Variants in L3MBTL3 observed in about 807,000 individuals in gnomAD.
L3MBTL3 encodes the protein lethal(3)malignant brain tumor-like protein 3.
A neutral mutation model predicts 102.3 loss-of-function variants in L3MBTL3; 27 were observed. That is an observed-to-expected ratio of 0.26 (90% CI 0.19 to 0.36). L3MBTL3 has a LOEUF of 0.36. Ranked by LOEUF, L3MBTL3 falls within the 10% of genes least tolerant of loss-of-function variation. The pLI, the probability that L3MBTL3 is intolerant of heterozygous loss-of-function variation, is 1.00. For missense variants in L3MBTL3, 798 were observed against 955.3 expected, an observed-to-expected ratio of 0.84 and a Z score of 2.17; for synonymous variants, 340 against 320.9, an observed-to-expected ratio of 1.06 and a Z score of -0.64.
intron 22 of L3MBTL3, among the ~76,000 whole-genome samples, chr6:130,136,101 C>A (rs573585508): frequency 2.5e-4 from 37 of 150,980 alleles, no homozygotes; most frequent in African/African-American, 9.1e-4. Flanking sequence ...GCCACCACCA[C>A]CCTGGTCTGC....
At chr6:130,115,838 A>T (rs1785634627) in intron 19 of L3MBTL3, among the ~76,000 whole-genome samples, 1 of 152,262 alleles carries the variant, frequency 6.6e-6, no homozygotes, top group Non-Finnish European at 1.5e-5. Flanking sequence ...GCAACTAAAG[A>T]AATATTGCAG....
chr6:130,133,961 G>A lies in L3MBTL3; in HGVS notation c.2199+56G>A, dbSNP rs984333317. On this transcript the variant is annotated intron_variant, in intron 22 of 22. Coordinates refer to ENST00000361794, the MANE Select transcript of L3MBTL3 (RefSeq NM_032438.4). The surrounding 1 kb of genome is among the most constrained non-coding windows in gnomAD (Gnocchi z 4.9). ...CTTAATGGGATCAAAGCACTGAAAT[G>A]CAGTGGAAGGTGAAATGTGTGGAAT... 1.6e-5 allele frequency: 21 copies of A among 1,350,234 alleles called. No individual in the cohort carries two copies. The highest frequency in any genetic ancestry group is 2.2e-5 in the Non-Finnish European group (21 of 943,340). The allele number at this position is 1,350,234 out of a possible 1,614,324, so 83.6% of individuals were successfully genotyped here. A position where few individuals can be genotyped will look rare whatever the true frequency, so the allele number is the denominator to read the frequency against.
chr6:130,099,235 C>G (rs1260779323), intron 18 of L3MBTL3, among the ~76,000 whole-genome samples: 1 of 152,076 alleles, frequency 6.6e-6, no homozygotes, highest in African/African-American at 2.4e-5. Flanking sequence ...CAGTATCATC[C>G]TATGGGACTC....
At chr6:130,137,750 A>G (rs1056689142) in intron 22 of L3MBTL3, 4 of 152,202 alleles carry the variant, frequency 2.6e-5, no homozygotes, top group African/African-American at 9.7e-5. Context: ...CTCCTTGGGA[A>G]TGTCAGTTGA....
At chr6:130,061,943 T>G (rs1781924786) in intron 10 of L3MBTL3, among the ~76,000 whole-genome samples, 1 of 152,150 alleles carries the variant, frequency 6.6e-6, no homozygotes, top group Non-Finnish European at 1.5e-5. Flanking sequence ...GCTGTGGTTG[T>G]TCTCAAGGAG....
rs75730149 is a variant in L3MBTL3 at position 130,086,835 on chromosome 6, T to G, written c.1518+585T>G. Among the ~76,000 whole-genome samples, 496 of 152,318 alleles carry G rather than the reference T, an allele frequency of 3.3e-3. 27 individuals carry two copies. In the East Asian group the frequency reaches 0.083, roughly 25 times the overall value. On this transcript the variant is annotated intron_variant, in intron 16 of 22. Coordinates refer to ENST00000361794, the MANE Select transcript of L3MBTL3 (RefSeq NM_032438.4). ...TCGTCTCTGTTTCTTACTTCAGCAT[T>G]AACTTCACCCTCAGACCAAAACAAT...
At chr6:130,122,532 A>G (rs191825325) in intron 20 of L3MBTL3, among the ~76,000 whole-genome samples, 1 of 152,340 alleles carries the variant, frequency 6.6e-6, no homozygotes, top group African/African-American at 2.4e-5. Context: ...TAAGATTGTA[A>G]TGAGGATGAA....
Position 130,104,472 on chromosome 6 carries a change from AT to A in L3MBTL3, c.1788del (p.Pro597GlnfsTer4). 6.3e-7 allele frequency: 1 copy of A among 1,599,766 alleles called. No individual in the cohort carries two copies. Among genetic ancestry groups the A allele is most frequent in the Non-Finnish European group, 8.5e-7 (1 of 1,173,686 alleles). On this transcript the variant is annotated frameshift_variant, in exon 19 of 23. Transcript: ENST00000361794. LOFTEE classifies it high-confidence loss of function. ...YSEINLNKDR[I>X]FPDRLSGEMP... is the part of the protein sequence containing the mutation. ...AGAAATCAATTTGAATAAAGACCGT[AT>A]TTTTCCAGACCGCTTAAGTGGTGAG...
intron 2 of L3MBTL3, among the ~76,000 whole-genome samples, chr6:130,023,358 C>T (rs1358701000): frequency 6.6e-6 from 1 of 152,128 alleles, no homozygotes; most frequent in Non-Finnish European, 1.5e-5. Flanking sequence ...TGTGGATATG[C>T]AGCAGAGACA....
intron 14 of L3MBTL3, among the ~76,000 whole-genome samples, chr6:130,083,217 CA>C (rs1783476633): frequency 6.6e-6 from 1 of 152,046 alleles, no homozygotes; most frequent in Non-Finnish European, 1.5e-5. Context: ...TGCTTATGTA[CA>C]TTTTTTTGCA....
intron 15 of L3MBTL3, among the ~76,000 whole-genome samples, chr6:130,084,919 T>C (rs1309800118): frequency 6.6e-6 from 1 of 152,098 alleles, no homozygotes; most frequent in Non-Finnish European, 1.5e-5. Flanking sequence ...AATCTCCACC[T>C]CACAGGCTTA....
chr6:130,084,628 C>G (rs890607170), intron 15 of L3MBTL3, among the ~76,000 whole-genome samples: 1 of 152,160 alleles, frequency 6.6e-6, no homozygotes, highest in Non-Finnish European at 1.5e-5. Context: ...ATTTTTATCT[C>G]CCACCCTTTA....
Position 130,104,523 on chromosome 6 carries a change from CCAAGAAATAAAAGGA to C in L3MBTL3, c.1837_1851del (p.Arg613_Thr617del). ...GATGCCTCCGGCTAGTCCGTCATTT[CCAAGAAATAAAAGGA>C]CAGATGCAAATGAAAGCTCTTCTTC... On this transcript the variant is annotated inframe_deletion, in exon 19 of 23. Transcript: ENST00000361794. 1 of 1,593,298 alleles carries C rather than the reference CCAAGAAATAAAAGGA, an allele frequency of 6.3e-7. No homozygotes were observed. Among genetic ancestry groups the C allele is most frequent in the Non-Finnish European group, 8.5e-7 (1 of 1,171,364 alleles).
At chr6:130,046,159 GTC>G (rs1314963147) in intron 3 of L3MBTL3, among the ~76,000 whole-genome samples, 2 of 152,100 alleles carry the variant, frequency 1.3e-5, no homozygotes, top group African/African-American at 2.4e-5. Flanking sequence ...GTCTTTCGGA[GTC>G]TCTCAGTAAA....
chr6:130,061,923 A>G (rs114999601), intron 10 of L3MBTL3, among the ~76,000 whole-genome samples: 1 of 152,104 alleles, frequency 6.6e-6, no homozygotes, highest in East Asian at 1.9e-4. Flanking sequence ...AAGAAGCAGC[A>G]GTGTCAGATG....
At chr6:130,036,995 C>A (rs140590979) in intron 2 of L3MBTL3, among the ~76,000 whole-genome samples, 97 of 152,234 alleles carry the variant, frequency 6.4e-4, no homozygotes, top group African/African-American at 2.1e-3. Context: ...GTTACCAAAT[C>A]TTTCTGCACC....
intron 16 of L3MBTL3, among the ~76,000 whole-genome samples, chr6:130,087,110 A>T (rs1783736047): frequency 1.3e-5 from 2 of 152,150 alleles, no homozygotes; most frequent in South Asian, 4.1e-4. Context: ...TAGGAGTCTT[A>T]AGTTTATGCC....
intron 19 of L3MBTL3, among the ~76,000 whole-genome samples, chr6:130,108,235 T>C (rs889198049): frequency 7.3e-6 from 1 of 137,586 alleles, no homozygotes; most frequent in Admixed American, 7.1e-5. Flanking sequence ...TTTTTTGTTT[T>C]TTTTTTTTTT....
At chr6:130,060,227 CA>C in intron 10 of L3MBTL3, 87 bp downstream of exon 10, 1 of 724,570 alleles carries the variant, frequency 1.4e-6, no homozygotes, top group Non-Finnish European at 2.3e-6. Flanking sequence ...GGTTGTATTT[CA>C]TGCCAGGCAT....
Sources: allele counts gnomAD v4.1 joint callset (sites outside exome capture counted in the v4.1 genomes callset), GRCh38; gene constraint gnomAD v4.1.1; non-coding constraint Gnocchi (gnomAD v3.1); transcripts MANE v1.5; gene names NCBI Gene and HGNC (gene_info 2026-07-23, HGNC 2026-07-21).